The following CNIH3 variants were observed in gnomAD, a reference collection of about 807,000 sequenced individuals.
CNIH3 encodes cornichon family AMPA receptor auxiliary protein 3.
Under a neutral mutation model 24.1 loss-of-function variants are expected in CNIH3, and 14 were observed. The observed-to-expected ratio is 0.58, with a 90% CI of 0.38 to 0.91. The LOEUF is 0.91. Among genes scored for constraint, CNIH3 ranks in the 40% least tolerant of loss-of-function variants. CNIH3 has a pLI of 0.00. For synonymous variants in CNIH3, 68 were observed against 73.8 expected, an observed-to-expected ratio of 0.92 and a Z score of 0.40; for missense variants, 178 against 196.8, an observed-to-expected ratio of 0.90 and a Z score of 0.57.
intron 4 of CNIH3, among the ~76,000 whole-genome samples, chr1:224,568,170 A>G (rs1442826561): frequency 6.6e-6 from 1 of 152,048 alleles, no homozygotes; most frequent in Non-Finnish European, 1.5e-5. Flanking sequence ...CGTGCCTGTT[A>G]TCCCAGCTAC....
downstream of CNIH3, among the ~76,000 whole-genome samples, chr1:224,540,228 T>C (rs1296408688): frequency 6.6e-6 from 1 of 152,194 alleles, no homozygotes; most frequent in Non-Finnish European, 1.5e-5. Context: ...TGTGGTTTTG[T>C]CTCATGGCCC....
intron 1 of CNIH3, among the ~76,000 whole-genome samples, chr1:224,473,403 A>G (rs986629241): frequency 2.0e-5 from 3 of 152,218 alleles, no homozygotes; most frequent in African/African-American, 7.2e-5. Flanking sequence ...GATTAAAAAC[A>G]AAACAAAACA....
intron 3 of CNIH3, among the ~76,000 whole-genome samples, chr1:224,708,896 C>T (rs1019063960): frequency 8.5e-5 from 13 of 152,172 alleles, no homozygotes; most frequent in African/African-American, 3.1e-4. Flanking sequence ...TCATTTGACT[C>T]ATTTAATATT....
chr1:224,637,174 C>G (rs1053151138), intron 1 of CNIH3, among the ~76,000 whole-genome samples: 1 of 151,988 alleles, frequency 6.6e-6, no homozygotes, highest in Admixed American at 6.5e-5. Flanking sequence ...AGGCTGGTCT[C>G]GAACTCCTGA....
In CNIH3 at chr1:224,684,926, G is replaced by T; in HGVS notation, c.198+83G>T. On this transcript the variant is annotated intron_variant, in intron 3 of 5. Coordinates refer to ENST00000272133, the MANE Select transcript of CNIH3 (RefSeq NM_152495.2). The surrounding 1 kb of genome is among the most constrained non-coding windows in gnomAD (Gnocchi z 4.2). ...CAGTGAAAGAGGCTAGTGAGGCTCT[G>T]CCTGCTCCAGTCCTGTCCACCAGGG... The T allele has an allele frequency of 1.3e-5, 17 of 1,284,934 alleles. No homozygotes were observed. Among genetic ancestry groups the T allele is most frequent in the East Asian group, 2.3e-5 (1 of 43,320 alleles). 79.6% of individuals were successfully genotyped at this position (1,284,934 alleles called of 1,614,324 possible).
At chr1:224,482,775 A>G (rs1480264936) in intron 1 of CNIH3, among the ~76,000 whole-genome samples, 1 of 152,040 alleles carries the variant, frequency 6.6e-6, no homozygotes, top group Non-Finnish European at 1.5e-5. Context: ...TGTGCTCCTC[A>G]GGTCCTTTGG....
intron 1 of CNIH3, among the ~76,000 whole-genome samples, chr1:224,620,859 G>A (rs961805193): frequency 3.3e-5 from 5 of 152,062 alleles, no homozygotes; most frequent in South Asian, 2.1e-4. Context: ...GCATGTGGAC[G>A]TTTAGAAGGA....
intron 1 of CNIH3, among the ~76,000 whole-genome samples, chr1:224,679,904 T>C (rs979048441): frequency 6.6e-6 from 1 of 152,070 alleles, no homozygotes; most frequent in African/African-American, 2.4e-5. Context: ...TTTATTTTAT[T>C]TTCCTTTTTT....
intron 1 of CNIH3, among the ~76,000 whole-genome samples, chr1:224,677,384 C>T (rs1295054492): frequency 1.3e-5 from 2 of 152,166 alleles, no homozygotes; most frequent in African/African-American, 4.8e-5. Flanking sequence ...TTTTGTGTCT[C>T]CAGTGGTTAG....
At chr1:224,522,439 G>A (rs554197757) in intron 2 of CNIH3, among the ~76,000 whole-genome samples, 5 of 152,288 alleles carry the variant, frequency 3.3e-5, no homozygotes, top group South Asian at 4.2e-4. Flanking sequence ...AACCATCCTC[G>A]GGGTTATCAA....
chr1:224,558,713 G>A lies in CNIH3; in HGVS notation n.451-7486G>A, dbSNP rs1237110893. Among the ~76,000 whole-genome samples, 4 of 152,176 alleles carry A rather than the reference G, an allele frequency of 2.6e-5. No homozygotes were observed. The South Asian group carries it at 8.3e-4, about 32-fold the overall frequency. The stretch of plus-strand genomic sequence containing the variant: ...GGTGACAAAGTCACATTGCAAAGGG[G>A]CACATGCACTGGGTTGGGAAGAATT... On this transcript the variant is annotated intron_variant and non_coding_transcript_variant, in intron 3 of 5. Coordinates refer to the CNIH3 transcript ENST00000471578.
At chr1:224,645,939 TC>T (rs1684584737) in intron 1 of CNIH3, among the ~76,000 whole-genome samples, 1 of 152,188 alleles carries the variant, frequency 6.6e-6, no homozygotes. Flanking sequence ...GATCATCTCT[TC>T]CCCTTGGCAG....
intron 3 of CNIH3, among the ~76,000 whole-genome samples, chr1:224,713,209 A>G (rs1173637133): frequency 6.6e-6 from 1 of 152,226 alleles, no homozygotes; most frequent in African/African-American, 2.4e-5. Context: ...TATTGAAATC[A>G]TAATCAATGC....
At chr1:224,490,884 A>G (rs948828054) in intron 1 of CNIH3, among the ~76,000 whole-genome samples, 1 of 152,266 alleles carries the variant, frequency 6.6e-6, no homozygotes, top group Non-Finnish European at 1.5e-5. Context: ...CAAAAAAAAG[A>G]GAAATGACAT....
chr1:224,503,753 A>G (rs1346803351), intron 1 of CNIH3, among the ~76,000 whole-genome samples: 2 of 152,252 alleles, frequency 1.3e-5, no homozygotes, highest in African/African-American at 2.4e-5. Flanking sequence ...CAAGGGAGAT[A>G]GACAGGAAAC....
chr1:224,675,031 T>C (rs909490792), intron 1 of CNIH3, among the ~76,000 whole-genome samples: 1 of 152,178 alleles, frequency 6.6e-6, no homozygotes, highest in Non-Finnish European at 1.5e-5. Flanking sequence ...GTTATGCCTC[T>C]TGGGGAAGAA....
intron 1 of CNIH3, among the ~76,000 whole-genome samples, chr1:224,449,641 C>T (rs779482389): frequency 2.0e-5 from 3 of 152,082 alleles, no homozygotes; most frequent in Non-Finnish European, 4.4e-5. Flanking sequence ...TACAGGCACA[C>T]ACCACCACCC....
chr1:224,673,411 T>C (rs1685968352), intron 1 of CNIH3, among the ~76,000 whole-genome samples: 1 of 152,170 alleles, frequency 6.6e-6, no homozygotes, highest in South Asian at 2.1e-4. Context: ...ACTCTCTGGC[T>C]TCCCCTGTGC....
intron 4 of CNIH3, among the ~76,000 whole-genome samples, chr1:224,583,008 T>A (rs918854719): frequency 1.3e-5 from 2 of 152,210 alleles, no homozygotes; most frequent in Admixed American, 1.3e-4. Context: ...GCCATCTTCC[T>A]GGGGCATTAG....
Sources: allele counts gnomAD v4.1 joint callset (sites outside exome capture counted in the v4.1 genomes callset), GRCh38; gene constraint gnomAD v4.1.1; non-coding constraint Gnocchi (gnomAD v3.1); transcripts MANE v1.5; gene names NCBI Gene and HGNC (gene_info 2026-07-23, HGNC 2026-07-21).